Variants in FTO observed in about 807,000 individuals in gnomAD.
FTO encodes FTO alpha-ketoglutarate dependent dioxygenase, also known as alpha-ketoglutarate-dependent dioxygenase FTO.
In FTO, 47 loss-of-function variants were observed where a neutral mutation model predicts 63.9. The ratio of observed to expected loss-of-function variants is 0.74; its 90% CI spans 0.58 to 0.94. The LOEUF is 0.94. Among genes scored for constraint, FTO ranks in the 40% least tolerant of loss-of-function variants. FTO has a pLI of 0.00. For synonymous variants in FTO, 207 were observed against 224.4 expected (o/e 0.92, Z 0.69); for missense variants, 562 against 618.1 (o/e 0.91, Z 0.96).
At chr16:53,844,327 GA>G in intron 4 of FTO, 29 bp downstream of exon 4, 1 of 1,547,984 alleles carries the variant, frequency 6.5e-7, no homozygotes, top group Non-Finnish European at 8.9e-7. Context: ...AAATTATATT[GA>G]AACTCTAGTG....
At chr16:53,828,501 C>T (rs888867879) in intron 3 of FTO, among the ~76,000 whole-genome samples, 2 of 152,190 alleles carry the variant, frequency 1.3e-5, no homozygotes, top group Non-Finnish European at 2.9e-5. Flanking sequence ...GCCACCATGC[C>T]CGGCCTCCTT....
intron 4 of FTO, among the ~76,000 whole-genome samples, chr16:53,856,368 TG>T (rs146333826): frequency 0.012 from 1,788 of 150,214 alleles, 32 homozygotes; most frequent in Non-Finnish European, 0.022. Context: ...TTTTTTTTTT[TG>T]GGGGGGGATA....
chr16:53,882,161 TAAG>T (rs2080855179), intron 6 of FTO, among the ~76,000 whole-genome samples: 1 of 152,198 alleles, frequency 6.6e-6, no homozygotes, highest in African/African-American at 2.4e-5. Flanking sequence ...TTTGATATAA[TAAG>T]AAGGATTGAT....
intron 8 of FTO, among the ~76,000 whole-genome samples, chr16:54,035,096 C>G (rs2084914257): frequency 6.6e-6 from 1 of 152,218 alleles, no homozygotes; most frequent in Admixed American, 6.5e-5. Flanking sequence ...ATACATCTTT[C>G]AAAGTGTGAC....
intron 8 of FTO, among the ~76,000 whole-genome samples, chr16:54,064,447 A>C (rs1224480136): frequency 6.6e-6 from 1 of 152,212 alleles, no homozygotes; most frequent in Non-Finnish European, 1.5e-5. Context: ...ACCATGATTT[A>C]AATTCTGAAT....
intron 1 of FTO, among the ~76,000 whole-genome samples, chr16:53,781,560 G>A (rs2077589912): frequency 6.6e-6 from 1 of 152,106 alleles, no homozygotes; most frequent in South Asian, 2.1e-4. Context: ...TGCCTGAGGA[G>A]GTTCCTATGC....
intron 8 of FTO, among the ~76,000 whole-genome samples, chr16:54,063,223 C>T (rs1290957848): frequency 2.0e-5 from 3 of 152,142 alleles, no homozygotes; most frequent in South Asian, 4.1e-4. Flanking sequence ...TCAAATGAAT[C>T]CAAGTTATGA....
At chr16:53,837,713 G>A (rs1466866922) in intron 3 of FTO, among the ~76,000 whole-genome samples, 1 of 148,836 alleles carries the variant, frequency 6.7e-6, no homozygotes, top group African/African-American at 2.4e-5. Flanking sequence ...TAGTCCATCA[G>A]CTGTGTTTCC....
At chr16:53,920,458 A>G (rs1567437921) in intron 7 of FTO, among the ~76,000 whole-genome samples, 2 of 152,190 alleles carry the variant, frequency 1.3e-5, no homozygotes, top group Non-Finnish European at 2.9e-5. Flanking sequence ...CTCTAATTTG[A>G]GTTTTTGTAC....
chr16:53,723,657 A>G (rs1598492689), intron 1 of FTO, among the ~76,000 whole-genome samples: 1 of 152,248 alleles, frequency 6.6e-6, no homozygotes, highest in African/African-American at 2.4e-5. Context: ...CTATAATCAT[A>G]TAGGCTTTTG....
Position 54,073,513 on chromosome 16 carries a change from C to T in FTO, c.1365-38249C>T, listed in dbSNP as rs375673746. On this transcript the variant is annotated intron_variant, in intron 8 of 8. Transcript: ENST00000471389. ...TCAGTGGCTTTTTTAAAATAGTCCC[C>T]GAGAAAGGAAGGCAGAAAGTCCCAC... Among the ~76,000 whole-genome samples, 31 of 151,892 alleles carry T rather than the reference C, an allele frequency of 2.0e-4. No individual in the cohort carries two copies. In the South Asian group the frequency reaches 5.4e-3, roughly 27 times the overall value.
In FTO at chr16:53,978,723, G is replaced by A. The variant is rs191440809; in HGVS notation, c.1364+44614G>A. 1.4e-3 allele frequency among the ~76,000 whole-genome samples: 217 copies of A among 152,292 alleles called. 2 individuals are homozygous for A. The highest frequency in any genetic ancestry group is 4.8e-3 in the African/African-American group (200 of 41,562). On this transcript the variant is annotated intron_variant, in intron 8 of 8. Transcript: ENST00000471389. ...TAAAAATTACCCATAATCACCGGGT[G>A]CGGTGGCTCACATCTGTAATCCCAG...
chr16:53,706,092 T>C (rs2075611567), intron 1 of FTO, among the ~76,000 whole-genome samples: 1 of 152,198 alleles, frequency 6.6e-6, no homozygotes, highest in Non-Finnish European at 1.5e-5. Flanking sequence ...TTTTCCCATT[T>C]TCTGCTTGTG....
At chr16:53,817,015 G>T (rs1208178013) in intron 2 of FTO, among the ~76,000 whole-genome samples, 1 of 152,110 alleles carries the variant, frequency 6.6e-6, no homozygotes, top group Non-Finnish European at 1.5e-5. Flanking sequence ...CACTTCTATT[G>T]TAGGACATTC....
intron 6 of FTO, among the ~76,000 whole-genome samples, chr16:53,880,897 C>T (rs898044512): frequency 6.2e-5 from 8 of 128,690 alleles, no homozygotes; most frequent in Non-Finnish European, 1.1e-4. Context: ...ATCAAAAGAT[C>T]GAGACCATCC....
chr16:53,991,291 G>T (rs147317385), intron 8 of FTO: 3 of 152,154 alleles, frequency 2.0e-5, no homozygotes, highest in African/African-American at 4.8e-5. Context: ...CCCAAGCCTC[G>T]TGATTAATAA....
At chr16:54,012,214 G>A (rs547795015) in intron 8 of FTO, among the ~76,000 whole-genome samples, 5 of 152,290 alleles carry the variant, frequency 3.3e-5, no homozygotes, top group Admixed American at 1.3e-4. Context: ...TTGCTGATAC[G>A]GAGAGAGTTT....
intron 6 of FTO, among the ~76,000 whole-genome samples, chr16:53,883,749 G>A (rs1341418993): frequency 6.6e-6 from 1 of 152,082 alleles, no homozygotes; most frequent in Non-Finnish European, 1.5e-5. Flanking sequence ...GCCCCCTGGG[G>A]TTGAATAGAG....
intron 8 of FTO, among the ~76,000 whole-genome samples, chr16:53,978,484 C>T (rs1396497162): frequency 3.9e-5 from 6 of 152,244 alleles, no homozygotes; most frequent in South Asian, 4.2e-4. Flanking sequence ...GGCCAAACAT[C>T]GTTTTAGGTT....
Sources: allele counts gnomAD v4.1 joint callset (sites outside exome capture counted in the v4.1 genomes callset), GRCh38; gene constraint gnomAD v4.1.1; transcripts MANE v1.5; gene names NCBI Gene and HGNC (gene_info 2026-07-23, HGNC 2026-07-21).